The following MAGI3 variants were observed in gnomAD, a reference collection of about 807,000 sequenced individuals.
MAGI3 encodes membrane-associated guanylate kinase, WW and PDZ domain-containing protein 3.
In MAGI3, 43 loss-of-function variants were observed where a neutral mutation model predicts 121.8. That is an observed-to-expected ratio of 0.35 (90% CI 0.28 to 0.46). The LOEUF (loss-of-function observed/expected upper bound fraction) is 0.46. Ranked by LOEUF, MAGI3 falls within the 20% of genes least tolerant of loss-of-function variation. The pLI, the probability that MAGI3 is intolerant of heterozygous loss-of-function variation, is 1.00. For synonymous variants in MAGI3, 553 were observed against 639.3 expected, an observed-to-expected ratio of 0.86 and a Z score of 2.04; for missense variants, 1,547 against 1,797.3, an observed-to-expected ratio of 0.86 and a Z score of 2.52.
intron 1 of MAGI3, among the ~76,000 whole-genome samples, chr1:113,507,248 G>A (rs1250763456): frequency 6.6e-6 from 1 of 152,044 alleles, no homozygotes; most frequent in East Asian, 1.9e-4. Context: ...TTACATGTGA[G>A]GAAACTACTA....
chr1:113,669,383 G>A (rs1037136167), intron 16 of MAGI3, among the ~76,000 whole-genome samples: 2 of 152,154 alleles, frequency 1.3e-5, no homozygotes, highest in Non-Finnish European at 2.9e-5. Context: ...TGTGGGAAAT[G>A]CTGTGAGAAC....
rs1557869027 is a variant in MAGI3 at position 113,641,069 on chromosome 1, TATAATATATATGAGATATATATTA to T, written c.1361-841_1361-818del. Among the ~76,000 whole-genome samples, 7 of 123,974 alleles carry T rather than the reference TATAATATATATGAGATATATATTA, an allele frequency of 5.6e-5. 1 individual carries two copies. The South Asian group carries it at 1.2e-3, about 21-fold the overall frequency. The allele number at this position is 123,974 out of a possible 152,430, so 81.3% of individuals were successfully genotyped here. On this transcript the variant is annotated intron_variant, in intron 9 of 20. Transcript: ENST00000307546. ...TATATGATATATTATATATGATATA[TATAATATATATGAGATATATATTA>T]TATATATGATATATAAATATATATG...
intron 1 of MAGI3, among the ~76,000 whole-genome samples, chr1:113,423,784 G>A (rs909985786): frequency 3.3e-5 from 5 of 152,014 alleles, no homozygotes; most frequent in Admixed American, 6.5e-5. Context: ...ACCAGGGACC[G>A]TCCCTTTCCC....
intron 10 of MAGI3, 116 bp from the exon 11 acceptor site, chr1:113,643,625 GAC>G (rs1652670907): frequency 2.3e-6 from 2 of 887,522 alleles, no homozygotes; most frequent in African/African-American, 3.3e-5. Context: ...TAGGAGGTTA[GAC>G]ACAGAATTTA....
intron 1 of MAGI3, among the ~76,000 whole-genome samples, chr1:113,505,848 A>G (rs1341389617): frequency 1.3e-5 from 2 of 152,304 alleles, no homozygotes; most frequent in South Asian, 2.1e-4. Context: ...GCATAGGGAC[A>G]TAGAGTGTGA....
chr1:113,580,704 G>A, intron 3 of MAGI3, 43 bp downstream of exon 3: 1 of 1,509,950 alleles, frequency 6.6e-7, no homozygotes. Context: ...AAAACTATCT[G>A]AACGACTGGA....
At chr1:113,455,949 TTC>T (rs1654730803) in intron 1 of MAGI3, among the ~76,000 whole-genome samples, 6 of 151,816 alleles carry the variant, frequency 4.0e-5, no homozygotes, top group South Asian at 2.1e-4. Flanking sequence ...TTTTTCTTTT[TTC>T]TCTCTCTTTT....
At chr1:113,403,785 T>G (rs778537448) in intron 1 of MAGI3, 1 of 152,148 alleles carries the variant, frequency 6.6e-6, no homozygotes, top group Non-Finnish European at 1.5e-5. Flanking sequence ...ATCTTAATGG[T>G]GGAATCAGAT....
intron 1 of MAGI3, among the ~76,000 whole-genome samples, chr1:113,535,620 T>C (rs1658938537): frequency 6.6e-6 from 1 of 152,214 alleles, no homozygotes; most frequent in South Asian, 2.1e-4. Flanking sequence ...TAAGAGGATA[T>C]GCAAGTATAT....
chr1:113,592,071 G>C (rs1648722107), intron 5 of MAGI3, among the ~76,000 whole-genome samples: 1 of 151,918 alleles, frequency 6.6e-6, no homozygotes, highest in Admixed American at 6.6e-5. Flanking sequence ...AGCCAAAGTA[G>C]ACAAAAATGG....
chr1:113,636,406 C>T (rs1652027481), intron 9 of MAGI3, among the ~76,000 whole-genome samples: 3 of 152,078 alleles, frequency 2.0e-5, no homozygotes. Context: ...TGAATGTGTC[C>T]CAGAGATTCT....
At chr1:113,599,487 C>G (rs1362720964) in intron 6 of MAGI3, among the ~76,000 whole-genome samples, 1 of 152,104 alleles carries the variant, frequency 6.6e-6, no homozygotes. Flanking sequence ...TGGATAAATT[C>G]CTCGACACAT....
rs34782120 is a variant in MAGI3 at position 113,679,709 on chromosome 1, A to ATTTTT, written c.3190-1478_3190-1474dup. Reference sequence around the variant, plus strand: ...TTTATGTTTATTTTCCTGAAAAATGATTTTTTTTTTTTTTTGAGACGGAGT... The same window carrying ATTTTT: ...TTTATGTTTATTTTCCTGAAAAATGATTTTTTTTTTTTTTTTTTTTGAGACGGAGT... On this transcript the variant is annotated intron_variant, in intron 19 of 20. Coordinates refer to ENST00000307546, the MANE Select transcript of MAGI3 (RefSeq NM_001142782.2). 2.8e-5 allele frequency among the ~76,000 whole-genome samples: 4 copies of ATTTTT among 144,566 alleles called. 1 individual carries two copies. The highest frequency in any genetic ancestry group is 3.0e-5 in the Non-Finnish European group (2 of 65,926). 94.8% of individuals were successfully genotyped at this position (144,566 alleles called of 152,430 possible).
intron 1 of MAGI3, among the ~76,000 whole-genome samples, chr1:113,458,438 C>G (rs190369794): frequency 6.6e-6 from 1 of 152,260 alleles, no homozygotes; most frequent in Admixed American, 6.5e-5. Flanking sequence ...CTCTCAGTAT[C>G]CCCCGGAAGT....
intron 9 of MAGI3, among the ~76,000 whole-genome samples, chr1:113,623,939 A>G (rs6669008): frequency 0.35 from 52,487 of 152,022 alleles, 10,121 homozygotes; most frequent in South Asian, 0.5. Context: ...GCATCCACAA[A>G]GAAATGAGAG....
At chr1:113,430,203 T>TA (rs1653232905) in intron 1 of MAGI3, among the ~76,000 whole-genome samples, 1 of 152,194 alleles carries the variant, frequency 6.6e-6, no homozygotes, top group Non-Finnish European at 1.5e-5. Context: ...ATGAAGGTGT[T>TA]AGGACCAGGG....
chr1:113,670,157 C>A (rs1353144738), intron 16 of MAGI3, among the ~76,000 whole-genome samples: 2 of 152,146 alleles, frequency 1.3e-5, no homozygotes, highest in Admixed American at 6.5e-5. Context: ...ATTGTTAAAT[C>A]CATGTTCACA....
intron 3 of MAGI3, among the ~76,000 whole-genome samples, chr1:113,583,986 C>T (rs1265164097): frequency 7.2e-5 from 11 of 152,132 alleles, no homozygotes; most frequent in Admixed American, 7.2e-4. Flanking sequence ...CCCCTCAAAA[C>T]ATGCACAATT....
intron 2 of MAGI3, among the ~76,000 whole-genome samples, chr1:113,579,899 C>T (rs1480218363): frequency 2.0e-5 from 3 of 151,786 alleles, no homozygotes; most frequent in African/African-American, 7.3e-5. Flanking sequence ...AGTGAAAATC[C>T]TGTATCTCTT....
Sources: gnomAD v4.1 joint callset for allele counts (sites outside exome capture counted in the v4.1 genomes callset) on GRCh38, gnomAD v4.1.1 for gene constraint, MANE v1.5 for transcripts, NCBI Gene and HGNC (gene_info 2026-07-23, HGNC 2026-07-21) for gene names.